The following CNBD1 variants were observed in gnomAD, a reference collection of about 807,000 sequenced individuals.
The protein encoded by CNBD1 is cyclic nucleotide-binding domain-containing protein 1.
In CNBD1, 71 loss-of-function variants were observed where a neutral mutation model predicts 54.4. The observed-to-expected ratio is 1.30, with a 90% confidence interval of 1.08 to 1.59. The LOEUF is 1.59. Ranked by LOEUF, CNBD1 falls within the 40% of genes most tolerant of loss-of-function variation. CNBD1 has a pLI of 0.00. For missense variants in CNBD1, 659 were observed against 518.0 expected (o/e 1.27, Z -2.64); for synonymous variants, 182 against 170.7 (o/e 1.07, Z -0.51).
intron 4 of CNBD1, among the ~76,000 whole-genome samples, chr8:87,058,962 T>C (rs1056740777): frequency 6.6e-6 from 1 of 152,218 alleles, no homozygotes; most frequent in Non-Finnish European, 1.5e-5. Context: ...AATTTTATGC[T>C]CTGTCACCTC....
chr8:87,028,908 G>A lies in CNBD1; in HGVS notation c.431+89154G>A, dbSNP rs545567497. The stretch of plus-strand genomic sequence containing the variant: ...CACCAATTTATTTTCTCTGCAACAA[G>A]GTGTACAAGGCTTCCCTTTTCTCTA... On this transcript the variant is annotated intron_variant, in intron 4 of 10. Coordinates refer to ENST00000518476, the MANE Select transcript of CNBD1 (RefSeq NM_173538.3). 2.6e-5 allele frequency among the ~76,000 whole-genome samples: 4 copies of A among 152,296 alleles called. No individual in the cohort carries two copies. In the East Asian group the frequency reaches 7.7e-4, roughly 29 times the overall value.
intron 10 of CNBD1, among the ~76,000 whole-genome samples, chr8:87,371,727 A>C (rs537606304): frequency 1.3e-5 from 2 of 152,004 alleles, no homozygotes; most frequent in East Asian, 1.9e-4. Flanking sequence ...ACAGAACCAA[A>C]GACAAAAACC....
chr8:87,259,855 A>G (rs1447379890), intron 6 of CNBD1, among the ~76,000 whole-genome samples: 2 of 152,150 alleles, frequency 1.3e-5, no homozygotes, highest in African/African-American at 2.4e-5. Context: ...GGACTCTTTA[A>G]TAAAGTCCTT....
At chr8:87,265,433 G>T (rs908704157) in intron 6 of CNBD1, among the ~76,000 whole-genome samples, 5 of 152,206 alleles carry the variant, frequency 3.3e-5, no homozygotes, top group African/African-American at 7.2e-5. Flanking sequence ...GTCAGATAGC[G>T]TGATGCCTCC....
chr8:87,192,214 A>G (rs192036516), intron 4 of CNBD1, among the ~76,000 whole-genome samples: 38 of 152,264 alleles, frequency 2.5e-4, no homozygotes, highest in African/African-American at 8.7e-4. Context: ...AGATTTGATG[A>G]TGTTTTAAAA....
chr8:87,236,964 G>A lies in CNBD1; in HGVS notation c.623G>A (p.Arg208Gln), dbSNP rs182811386. 44 of 1,611,204 alleles carry A rather than the reference G, an allele frequency of 2.7e-5. No homozygotes were observed. The highest frequency in any genetic ancestry group is 4.5e-5 in the East Asian group (2 of 44,812). Residue 208 changes from arginine to glutamine, a missense_variant, in exon 6 of 11, where the codon CGA becomes CAA. Arg to Gln is a conservative substitution (Grantham distance 43). Coordinates refer to ENST00000518476, the MANE Select transcript of CNBD1 (RefSeq NM_173538.3). ...TATGTAATACTGAAAGGCCTAGCTC[G>A]ACCTCAAACAAACGTGTATAAAAAT... ...GFYVILKGLA[R>Q]PQTNVYKNLI...
At position 87,041,793 on chromosome 8, in the gene CNBD1, C is replaced by T. The variant is rs1183968660; in HGVS notation, c.431+102039C>T. Reference sequence around the variant, plus strand: ...CAGCCCGAGCGACAGAGCAAGACTCCGTCTCAAAAAAAATAAGAAAACCAT... The same window carrying T: ...CAGCCCGAGCGACAGAGCAAGACTCTGTCTCAAAAAAAATAAGAAAACCAT... On this transcript the variant is annotated intron_variant, in intron 4 of 10. Coordinates refer to ENST00000518476, the MANE Select transcript of CNBD1 (RefSeq NM_173538.3). 9.9e-5 allele frequency among the ~76,000 whole-genome samples: 15 copies of T among 151,772 alleles called. 1 individual carries two copies. Among genetic ancestry groups the T allele is most frequent in the Admixed American group, 8.5e-4 (13 of 15,236 alleles).
chr8:87,371,549 G>T (rs1157971812), intron 10 of CNBD1, among the ~76,000 whole-genome samples: 2 of 151,850 alleles, frequency 1.3e-5, no homozygotes, highest in Non-Finnish European at 1.5e-5. Flanking sequence ...GAGAATTTTA[G>T]ACCAATATCC....
At chr8:87,025,483 C>T (rs1053848236) in intron 4 of CNBD1, among the ~76,000 whole-genome samples, 12 of 152,260 alleles carry the variant, frequency 7.9e-5, no homozygotes, top group South Asian at 2.1e-4. Context: ...CAAACAACTC[C>T]GGACAGGTAA....
At chr8:87,364,445 T>G (rs1397012066) in intron 10 of CNBD1, among the ~76,000 whole-genome samples, 1 of 151,836 alleles carries the variant, frequency 6.6e-6, no homozygotes, top group Non-Finnish European at 1.5e-5. Flanking sequence ...GTTTTACTTT[T>G]TAATTCTTTT....
intron 3 of CNBD1, among the ~76,000 whole-genome samples, chr8:86,918,071 AT>A (rs1809215137): frequency 6.6e-6 from 1 of 152,188 alleles, no homozygotes; most frequent in African/African-American, 2.4e-5. Context: ...TAAAATACTT[AT>A]TTAAACTATA....
At chr8:86,932,425 G>A (rs577431774) in intron 3 of CNBD1, among the ~76,000 whole-genome samples, 1 of 152,240 alleles carries the variant, frequency 6.6e-6, no homozygotes, top group African/African-American at 2.4e-5. Context: ...GGGGAGATTA[G>A]AGGAGGCTTA....
chr8:87,328,139 C>G (rs1015314854), intron 8 of CNBD1, among the ~76,000 whole-genome samples: 11 of 151,960 alleles, frequency 7.2e-5, no homozygotes, highest in Non-Finnish European at 1.5e-5. Flanking sequence ...TTCCCCGTGC[C>G]CCCAATCCCC....
intron 4 of CNBD1, among the ~76,000 whole-genome samples, chr8:87,188,979 T>A (rs1045073622): frequency 6.6e-6 from 1 of 152,024 alleles, no homozygotes; most frequent in Non-Finnish European, 1.5e-5. Context: ...TCCAACAGAA[T>A]GGTGTTCGTT....
At chr8:87,382,547 T>C in intron 10 of CNBD1, 73 bp from the exon 11 acceptor site, 1 of 1,238,810 alleles carries the variant, frequency 8.1e-7, no homozygotes, top group Non-Finnish European at 1.2e-6. Flanking sequence ...TAGGGTTCTA[T>C]TCTGTAGGAA....
chr8:87,270,073 C>A (rs1808332045), intron 6 of CNBD1, among the ~76,000 whole-genome samples: 1 of 151,884 alleles, frequency 6.6e-6, no homozygotes. Flanking sequence ...ATCAACTAGG[C>A]TTTTATTCCT....
At chr8:87,378,004 G>A (rs1810987871) in intron 10 of CNBD1, among the ~76,000 whole-genome samples, 1 of 132,088 alleles carries the variant, frequency 7.6e-6, no homozygotes, top group Non-Finnish European at 1.6e-5. Flanking sequence ...GGGGTTGTTT[G>A]TTTTTTTCTT....
intron 8 of CNBD1, among the ~76,000 whole-genome samples, chr8:87,304,235 C>A (rs1288140566): frequency 1.3e-5 from 2 of 151,784 alleles, no homozygotes; most frequent in African/African-American, 4.8e-5. Context: ...TGGAACAAAC[C>A]CAAATGTCCA....
At chr8:86,887,487 C>T in intron 1 of CNBD1, 55 bp from the exon 2 acceptor site, 1 of 1,121,536 alleles carries the variant, frequency 8.9e-7, no homozygotes, top group East Asian at 2.6e-5. Flanking sequence ...TATTTACACA[C>T]TTGCTTAATA....
Sources: allele counts gnomAD v4.1 joint callset (sites outside exome capture counted in the v4.1 genomes callset), GRCh38; gene constraint gnomAD v4.1.1; transcripts MANE v1.5; gene names NCBI Gene and HGNC (gene_info 2026-07-23, HGNC 2026-07-21).